MTCL1: variants seen among roughly 807,000 people sequenced by gnomAD.
The protein encoded by MTCL1 is microtubule crosslinking factor 1.
In MTCL1, 79 loss-of-function variants were observed where a neutral mutation model predicts 141.4. That is an observed-to-expected ratio of 0.56 (90% CI 0.47 to 0.67). MTCL1 has a LOEUF of 0.67. Among genes scored for constraint, MTCL1 ranks in the 30% least tolerant of loss-of-function variants. The probability of loss-of-function intolerance (pLI) is 0.00; values close to 1 mark genes in which losing one functional copy is unlikely to be tolerated. For synonymous variants in MTCL1, 914 were observed against 875.8 expected, an observed-to-expected ratio of 1.04 and a Z score of -0.77; for missense variants, 2,177 against 2,113.9, an observed-to-expected ratio of 1.03 and a Z score of -0.59.
At chr18:8,784,938 C>A in intron 6 of MTCL1, 95 bp downstream of exon 5, 1 of 1,168,540 alleles carries the variant, frequency 8.6e-7, no homozygotes, top group Non-Finnish European at 1.2e-6. Flanking sequence ...CTCACGGCTG[C>A]TTGGTTATGA....
intron 1 of MTCL1, among the ~76,000 whole-genome samples, chr18:8,710,837 CTTTTTT>C (rs59041416): frequency 1.2e-5 from 1 of 80,928 alleles, no homozygotes; most frequent in Non-Finnish European, 2.4e-5. Context: ...GGAAGGCTTT[CTTTTTT>C]TTTTTTTTTT....
At chr18:8,797,075 G>A (rs1337168761) in intron 9 of MTCL1, among the ~76,000 whole-genome samples, 1 of 152,156 alleles carries the variant, frequency 6.6e-6, no homozygotes, top group African/African-American at 2.4e-5. Context: ...GAGTGCCCTG[G>A]TCCATAACTC....
chr18:8,784,496 C>T lies in MTCL1; in HGVS notation c.1384C>T (p.Gln462Ter). The change falls in exon 6 of 17, where the codon CAG (glutamine) becomes TAG (stop). Residue 462 changes from glutamine (Q) to a stop codon, truncating the protein, a stop_gained. Coordinates refer to ENST00000359865, the Ensembl canonical transcript of MTCL1. LOFTEE classifies it high-confidence loss of function. ...CCTAGTGACCCTAAAACACGAGGCC[C>T]AGCGGCTAGAGCGGACGGTGGAGCG... is the stretch of plus-strand genomic sequence containing the variant. 3 of 1,584,704 alleles carry T rather than the reference C, an allele frequency of 1.9e-6. No individual in the cohort carries two copies. The highest frequency in any genetic ancestry group is 2.6e-6 in the Non-Finnish European group (3 of 1,164,150).
In MTCL1 at chr18:8,706,036, G is replaced by A. The variant is rs927171701; in HGVS notation, c.376G>A (p.Ala126Thr). 1.6e-5 allele frequency: 19 copies of A among 1,181,538 alleles called. No homozygotes were observed. The African/African-American group carries it at 2.6e-4, about 16-fold the overall frequency. The allele number at this position is 1,181,538 out of a possible 1,614,324, so 73.2% of individuals were successfully genotyped here. A position where few individuals can be genotyped will look rare whatever the true frequency, so the allele number is the denominator to read the frequency against. Residue 126 changes from alanine to threonine, a missense_variant, in exon 1 of 14, where the codon GCC becomes ACC. Physicochemically the swap from Ala to Thr is moderately conservative, Grantham distance 58. Transcript: ENST00000306329. ...CAGAGCGGCGGGCGGTGCCAAGGCT[G>A]CCCTGGGAAGCAGGAGGGCGGCGCG...
intron 10 of MTCL1, among the ~76,000 whole-genome samples, chr18:8,803,595 G>A (rs1173931530): frequency 1.3e-5 from 2 of 152,180 alleles, no homozygotes; most frequent in Admixed American, 1.3e-4. Flanking sequence ...AGCTTGCCTG[G>A]CTTCCTGCTG....
In MTCL1 at chr18:8,771,117, A is replaced by G. The variant is rs577386385; in HGVS notation, c.358-6716A>G. Among the ~76,000 whole-genome samples the G allele has an allele frequency of 3.3e-5, 5 of 152,280 alleles. 1 individual carries two copies. In the East Asian group the frequency reaches 9.6e-4, roughly 29 times the overall value. ...ATCCTTCACATCTTCTGGCACTTAAATGACAACTTTAATATGGGTAAAATA... is the reference window on the plus strand; with the variant it reads ...ATCCTTCACATCTTCTGGCACTTAAGTGACAACTTTAATATGGGTAAAATA... On this transcript the variant is annotated intron_variant, in intron 4 of 16. Transcript: ENST00000359865.
chr18:8,718,344 A>C, intron 2 of MTCL1, 80 bp from the exon 2 acceptor site: 1 of 1,347,490 alleles, frequency 7.4e-7, no homozygotes, highest in South Asian at 1.3e-5. Flanking sequence ...TTTAGTATTG[A>C]GGAGCGGGTA....
At chr18:8,806,097 A>G (rs1032677954) in intron 10 of MTCL1, among the ~76,000 whole-genome samples, 3 of 152,188 alleles carry the variant, frequency 2.0e-5, no homozygotes, top group Non-Finnish European at 4.4e-5. Context: ...ATTGTGCCAA[A>G]TACTGGAAAT....
intron 1 of MTCL1, among the ~76,000 whole-genome samples, chr18:8,710,723 G>A (rs1272528108): frequency 6.6e-6 from 1 of 151,014 alleles, no homozygotes; most frequent in East Asian, 1.9e-4. Flanking sequence ...GTAGCATAAA[G>A]GAGCAATAAA....
chr18:8,795,046 A>G (rs1237239396), intron 8 of MTCL1, among the ~76,000 whole-genome samples: 2 of 152,218 alleles, frequency 1.3e-5, no homozygotes, highest in Non-Finnish European at 2.9e-5. Flanking sequence ...AATCGGTGGA[A>G]TGCTGAGGGC....
In MTCL1 at chr18:8,796,502, T is replaced by G. The variant is rs138673816; in HGVS notation, c.2241+40T>G. Reference sequence around the variant, plus strand: ...GAATTCCTTTTATTTGCATCTGTTTTGTCCTTGACCCCAGACACTGCTTTC... The same window carrying G: ...GAATTCCTTTTATTTGCATCTGTTTGGTCCTTGACCCCAGACACTGCTTTC... On this transcript the variant is annotated intron_variant, in intron 9 of 16. Coordinates refer to ENST00000359865, the Ensembl canonical transcript of MTCL1. The G allele has an allele frequency of 1.8e-3, 2,885 of 1,599,882 alleles. 3 individuals carry two copies. The highest frequency in any genetic ancestry group is 2.3e-3 in the Non-Finnish European group (2,722 of 1,168,236).
upstream of MTCL1, chr18:8,717,295 A>C (rs2096134968): frequency 6.6e-6 from 1 of 152,278 alleles, no homozygotes; most frequent in Non-Finnish European, 1.5e-5. Flanking sequence ...ACTCGGGCTG[A>C]TGAGGGTGGC....
intron 4 of MTCL1, among the ~76,000 whole-genome samples, chr18:8,752,722 T>C (rs538775162): frequency 6.6e-6 from 1 of 152,302 alleles, no homozygotes; most frequent in East Asian, 1.9e-4. Context: ...GAAGAATCAA[T>C]TCAGCCACTT....
At chr18:8,829,905 C>G (rs1337176237) in intron 16 of MTCL1, 2 of 985,146 alleles carry the variant, frequency 2.0e-6, no homozygotes, top group African/African-American at 3.5e-5. Context: ...AGTGATTCTT[C>G]CTTCACAAGC....
chr18:8,785,349 C>G (rs762161981), intron 6 of MTCL1, among the ~76,000 whole-genome samples: 1 of 152,192 alleles, frequency 6.6e-6, no homozygotes, highest in Non-Finnish European at 1.5e-5. Flanking sequence ...CCCAGGCCCC[C>G]ACTCCCACTG....
At chr18:8,724,657 T>G (rs997148821) in intron 4 of MTCL1, among the ~76,000 whole-genome samples, 6 of 152,156 alleles carry the variant, frequency 3.9e-5, no homozygotes, top group Non-Finnish European at 7.4e-5. Context: ...CACAGCAGCC[T>G]ATTACCCCCT....
chr18:8,767,500 A>G lies in MTCL1; in HGVS notation c.358-10333A>G, dbSNP rs545316979. On this transcript the variant is annotated intron_variant, in intron 4 of 16. Transcript: ENST00000359865. ...AGAGTTTCATTTACTGTCCTCAAATATACATTAAGCCCTACTTTGTCCTCT... is the reference window on the plus strand; with the variant it reads ...AGAGTTTCATTTACTGTCCTCAAATGTACATTAAGCCCTACTTTGTCCTCT... 7.9e-4 allele frequency among the ~76,000 whole-genome samples: 120 copies of G among 152,294 alleles called. 2 individuals carry two copies. The highest frequency in any genetic ancestry group is 6.6e-4 in the Non-Finnish European group (45 of 68,028).
chr18:8,714,809 T>C (rs1343187316), upstream of MTCL1, among the ~76,000 whole-genome samples: 1 of 151,968 alleles, frequency 6.6e-6, no homozygotes. Context: ...TTTCTCTTTT[T>C]TTTTTGAGGT....
exon 15 of MTCL1, chr18:8,825,604 T>G: frequency 6.2e-7 from 1 of 1,613,716 alleles, no homozygotes; most frequent in Non-Finnish European, 8.5e-7. Context: ...TCCCGGAGCC[T>G]TAGGAGCAGA....
Sources: allele counts gnomAD v4.1 joint callset (sites outside exome capture counted in the v4.1 genomes callset), GRCh38; gene constraint gnomAD v4.1.1; transcripts MANE v1.5; gene names NCBI Gene and HGNC (gene_info 2026-07-23, HGNC 2026-07-21).